OSBPL10: variants seen among roughly 807,000 people sequenced by gnomAD.
The protein encoded by OSBPL10 is oxysterol-binding protein-related protein 10.
A neutral mutation model predicts 81.7 loss-of-function variants in OSBPL10; 49 were observed. That is an observed-to-expected ratio of 0.60 (90% confidence interval 0.48 to 0.76). The LOEUF is 0.76. Among genes scored for constraint, OSBPL10 ranks in the 30% least tolerant of loss-of-function variants. The probability of loss-of-function intolerance (pLI) is 0.00; values close to 1 mark genes in which losing one functional copy is unlikely to be tolerated. For synonymous variants in OSBPL10, 419 were observed against 383.6 expected, an observed-to-expected ratio of 1.09 and a Z score of -1.08; for missense variants, 923 against 987.8, an observed-to-expected ratio of 0.93 and a Z score of 0.88.
At chr3:31,989,903 G>A in intron 2 of OSBPL10, 2 of 1,614,148 alleles carry the variant, frequency 1.2e-6, no homozygotes, top group Non-Finnish European at 1.7e-6. Context: ...TACCTTGCAT[G>A]CCATCATAGA....
At chr3:31,670,646 T>A (rs1371548851) in intron 9 of OSBPL10, 151 bp downstream of exon 9, 1 of 861,392 alleles carries the variant, frequency 1.2e-6, no homozygotes, top group Non-Finnish European at 1.7e-6. Context: ...CCATGTAAGG[T>A]AGGGAAAAGG....
At chr3:32,030,072 G>A (rs1699452407) in intron 2 of OSBPL10, 1 of 185,864 alleles carries the variant, frequency 5.4e-6, no homozygotes, top group Non-Finnish European at 1.1e-5. Context: ...AATGAGAATA[G>A]AGAATATGTC....
In OSBPL10 at chr3:32,064,151, C is replaced by T. The variant is rs1247962534; in HGVS notation, n.185+13245G>A. ...CTAATTTTTGTATTTTTTTCAGAGA[C>T]AGGGTTTCACCAATGTTGCCCAGAC... On this transcript the variant is annotated intron_variant and non_coding_transcript_variant, in intron 1 of 3. Transcript: ENST00000479173. 2 of 92,192 alleles carry T rather than the reference C, an allele frequency of 2.2e-5. 1 individual carries two copies. Among genetic ancestry groups the T allele is most frequent in the African/African-American group, 5.6e-5 (2 of 35,816 alleles). 5.7% of individuals were successfully genotyped at this position (92,192 alleles called of 1,614,324 possible). A position where few individuals can be genotyped will look rare whatever the true frequency, so the allele number is the denominator to read the frequency against.
Position 31,861,078 on chromosome 3 carries a change from A to T in OSBPL10, c.537+15355T>A, listed in dbSNP as rs1457019294. ...GCTCTAACCTACACTATGGATAAAA[A>T]TTGAAAATTAAGCCAATAACATAAA... On this transcript the variant is annotated intron_variant, in intron 3 of 11. Coordinates refer to ENST00000396556, the MANE Select transcript of OSBPL10 (RefSeq NM_017784.5). 2.0e-5 allele frequency among the ~76,000 whole-genome samples: 3 copies of T among 152,198 alleles called. No homozygotes were observed. In the East Asian group the frequency reaches 5.8e-4, roughly 29 times the overall value.
intron 6 of OSBPL10, chr3:31,714,582 G>GA (rs1696371492): frequency 6.6e-6 from 1 of 152,502 alleles, no homozygotes; most frequent in Non-Finnish European, 1.5e-5. Context: ...ATTCAGTGGG[G>GA]AAAAGGGCCG....
rs997782497 is a variant in OSBPL10, at chr3:31,905,443, G to A, written c.282-25613C>T. Among the ~76,000 whole-genome samples the A allele has an allele frequency of 6.1e-5, 9 of 147,888 alleles. No individual in the cohort carries two copies. The South Asian group carries it at 1.3e-3, about 21-fold the overall frequency. On this transcript the variant is annotated intron_variant, in intron 1 of 11. Transcript: ENST00000396556. ...TGGCTCACTGCAACCTCCGTCTCCC[G>A]GGTTCAAGTGATTCGTATGCCTCAG...
At chr3:31,791,694 G>C (rs1321409979) in intron 4 of OSBPL10, among the ~76,000 whole-genome samples, 1 of 151,548 alleles carries the variant, frequency 6.6e-6, no homozygotes, top group Non-Finnish European at 1.5e-5. Context: ...GCCAAAGTAA[G>C]TTAAAATCCA....
At chr3:32,053,550 T>C (rs926746346) in intron 1 of OSBPL10, among the ~76,000 whole-genome samples, 2 of 152,248 alleles carry the variant, frequency 1.3e-5, no homozygotes, top group Non-Finnish European at 2.9e-5. Context: ...TCTTACCTTA[T>C]GGTCAGACAT....
intron 3 of OSBPL10, among the ~76,000 whole-genome samples, chr3:31,850,721 G>A (rs758789399): frequency 6.6e-6 from 1 of 152,128 alleles, no homozygotes; most frequent in Non-Finnish European, 1.5e-5. Context: ...TTATAATCAC[G>A]ATATTAATAG....
chr3:31,708,620 A>G (rs1696148342), intron 6 of OSBPL10: 1 of 691,224 alleles, frequency 1.4e-6, no homozygotes. Context: ...CAAGGCATTC[A>G]CTACTACATG....
At chr3:31,721,805 CT>C (rs1696652458) in intron 6 of OSBPL10, among the ~76,000 whole-genome samples, 1 of 152,154 alleles carries the variant, frequency 6.6e-6, no homozygotes, top group South Asian at 2.1e-4. Context: ...TTAATAAGGA[CT>C]TACTATTGAG....
chr3:32,066,779 G>A (rs1462125673), intron 1 of OSBPL10, among the ~76,000 whole-genome samples: 1 of 152,094 alleles, frequency 6.6e-6, no homozygotes, highest in African/African-American at 2.4e-5. Context: ...CACAATGAAA[G>A]GCCCATCTTA....
At chr3:31,939,385 T>C (rs1697475031) in intron 1 of OSBPL10, among the ~76,000 whole-genome samples, 1 of 151,626 alleles carries the variant, frequency 6.6e-6, no homozygotes, top group African/African-American at 2.4e-5. Flanking sequence ...CCTTGTGACC[T>C]ACCCGCCCTA....
chr3:31,794,276 C>T (rs1262025411), intron 4 of OSBPL10, among the ~76,000 whole-genome samples: 1 of 152,206 alleles, frequency 6.6e-6, no homozygotes, highest in African/African-American at 2.4e-5. Context: ...TCCCGAGCAG[C>T]TGGGATTACA....
intron 1 of OSBPL10, among the ~76,000 whole-genome samples, chr3:31,951,286 G>A (rs551160508): frequency 6.6e-6 from 1 of 152,106 alleles, no homozygotes; most frequent in African/African-American, 2.4e-5. Flanking sequence ...AAAAAGACTT[G>A]CAGAAAACTA....
intron 3 of OSBPL10, among the ~76,000 whole-genome samples, chr3:31,833,386 T>C (rs1700290797): frequency 6.6e-6 from 1 of 152,142 alleles, no homozygotes; most frequent in Admixed American, 6.5e-5. Context: ...AAAAGAGAAA[T>C]AATAATATTG....
chr3:31,909,369 T>TCTGAGGCCTGG (rs1696507479), intron 1 of OSBPL10, among the ~76,000 whole-genome samples: 1 of 152,166 alleles, frequency 6.6e-6, no homozygotes, highest in Non-Finnish European at 1.5e-5. Flanking sequence ...CTGCCTTTCA[T>TCTGAGGCCTGG]TCTCTGAGGC....
chr3:32,031,462 ATTTT>A (rs758906495), intron 2 of OSBPL10, among the ~76,000 whole-genome samples: 1 of 149,478 alleles, frequency 6.7e-6, no homozygotes, highest in African/African-American at 2.5e-5. Flanking sequence ...TTCTTAAATA[ATTTT>A]TTTTTTTTTT....
chr3:32,019,890 A>C (rs1036228245), intron 2 of OSBPL10, among the ~76,000 whole-genome samples: 2 of 152,162 alleles, frequency 1.3e-5, no homozygotes, highest in Non-Finnish European at 2.9e-5. Context: ...ATAAAGTATA[A>C]CTATCAATCT....
Sources: gnomAD v4.1 joint callset for allele counts (sites outside exome capture counted in the v4.1 genomes callset) on GRCh38, gnomAD v4.1.1 for gene constraint, MANE v1.5 for transcripts, NCBI Gene and HGNC (gene_info 2026-07-23, HGNC 2026-07-21) for gene names.